Variants in IREB2 observed in about 807,000 individuals in gnomAD.
IREB2 encodes the protein iron responsive element binding protein 2.
In IREB2, 39 loss-of-function variants were observed where a neutral mutation model predicts 118.8. The ratio of observed to expected loss-of-function variants is 0.33; its 90% CI spans 0.25 to 0.43. IREB2 has a LOEUF of 0.43. Ranked by LOEUF, IREB2 falls within the 20% of genes least tolerant of loss-of-function variation. The pLI, the probability that IREB2 is intolerant of heterozygous loss-of-function variation, is 1.00. For synonymous variants in IREB2, 372 were observed against 392.2 expected, an observed-to-expected ratio of 0.95 and a Z score of 0.61; for missense variants, 900 against 1,147.3, an observed-to-expected ratio of 0.78 and a Z score of 3.11.
At chr15:78,474,884 T>C (rs1475442413) in intron 8 of IREB2, 1 of 150,936 alleles carries the variant, frequency 6.6e-6, no homozygotes. Flanking sequence ...TGAAACCCCG[T>C]CTCTACTAAA....
At chr15:78,460,310 A>G (rs188322950) in intron 2 of IREB2, among the ~76,000 whole-genome samples, 1 of 152,354 alleles carries the variant, frequency 6.6e-6, no homozygotes, top group East Asian at 1.9e-4. Flanking sequence ...GTTACCTGAA[A>G]GGAGGAAAGA....
Position 78,476,179 on chromosome 15 carries a change from C to A in IREB2, c.1024-9C>A. 6.4e-7 allele frequency: 1 copy of A among 1,566,160 alleles called. No individual in the cohort carries two copies. Among genetic ancestry groups the A allele is most frequent in the South Asian group, 1.2e-5 (1 of 85,412 alleles). ...ATTTTGTATGTGTTTCTGTGTATTCCTTATATAGCACCTCAGGCAAGTAGG... is the reference window on the plus strand; with the variant it reads ...ATTTTGTATGTGTTTCTGTGTATTCATTATATAGCACCTCAGGCAAGTAGG... On this transcript the variant is annotated splice_polypyrimidine_tract_variant and intron_variant, in intron 8 of 21. Coordinates refer to ENST00000258886, the MANE Select transcript of IREB2 (RefSeq NM_004136.4).
intron 8 of IREB2, 40 bp downstream of exon 8, chr15:78,473,421 T>G (rs1308873862): frequency 1.3e-6 from 2 of 1,564,756 alleles, no homozygotes; most frequent in African/African-American, 2.7e-5. Flanking sequence ...TTACTGAACA[T>G]TATTTTTATA....
intron 11 of IREB2, 151 bp downstream of exon 11, chr15:78,483,585 T>G (rs1044069225): frequency 1.8e-5 from 10 of 563,370 alleles, no homozygotes; most frequent in Non-Finnish European, 3.2e-5. Flanking sequence ...CTGTCTAATG[T>G]GCAAGTCAGT....
chr15:78,467,777 A>G (rs1211903449), intron 5 of IREB2, among the ~76,000 whole-genome samples: 1 of 152,178 alleles, frequency 6.6e-6, no homozygotes, highest in Admixed American at 6.5e-5. Flanking sequence ...TTTAGAGACA[A>G]GGTCTCACTA....
chr15:78,480,575 G>A (rs2051550316), intron 10 of IREB2, among the ~76,000 whole-genome samples: 1 of 150,708 alleles, frequency 6.6e-6, no homozygotes, highest in Non-Finnish European at 1.5e-5. Context: ...TGTAATCCCA[G>A]CTACTCAGGA....
chr15:78,460,809 G>A (rs1180175831), intron 2 of IREB2, among the ~76,000 whole-genome samples: 1 of 151,932 alleles, frequency 6.6e-6, no homozygotes, highest in African/African-American at 2.4e-5. Context: ...ACTTAACTTG[G>A]CTACTGTGAT....
At chr15:78,469,408 A>G (rs1408217759) in intron 5 of IREB2, among the ~76,000 whole-genome samples, 1 of 152,090 alleles carries the variant, frequency 6.6e-6, no homozygotes, top group Non-Finnish European at 1.5e-5. Flanking sequence ...GAATTATTAA[A>G]GTAATCTTTG....
Position 78,490,622 on chromosome 15 carries a change from A to G in IREB2, c.2185A>G (p.Lys729Glu). The change falls in exon 18 of 22, where the codon AAA (lysine) becomes GAA (glutamate). Residue 729 changes from lysine (K) to glutamate (E), a missense_variant. By Grantham distance (56) the Lys-to-Glu change is moderately conservative (BLOSUM62 1). Transcript: ENST00000258886. ...RCPSFFDKLT[K>E]EPIALQAIEN... Reference sequence around the variant, plus strand: ...GCCTTGAACTTTTACCTTCTAGACCAAAGAGCCAATTGCACTCCAGGCTAT... The same window carrying G: ...GCCTTGAACTTTTACCTTCTAGACCGAAGAGCCAATTGCACTCCAGGCTAT... The G allele has an allele frequency of 6.8e-6, 11 of 1,614,082 alleles. No individual in the cohort carries two copies. The highest frequency in any genetic ancestry group is 1.7e-5 in the Admixed American group (1 of 59,994).
intron 2 of IREB2, among the ~76,000 whole-genome samples, chr15:78,456,080 AAG>A (rs1475017422): frequency 6.6e-6 from 1 of 152,150 alleles, no homozygotes; most frequent in Non-Finnish European, 1.5e-5. Context: ...CTAGCTTTGG[AAG>A]GCTCACACTG....
In IREB2 at chr15:78,488,260, T is replaced by C. The variant is rs1209629260; in HGVS notation, c.1875T>C (p.Tyr625=). The C allele has an allele frequency of 6.2e-7, 1 of 1,612,400 alleles. No homozygotes were observed. The change falls in exon 15 of 22, where the codon TAT becomes TAC. Residue 625 remains tyrosine, a synonymous_variant. Coordinates refer to ENST00000258886, the MANE Select transcript of IREB2 (RefSeq NM_004136.4). ...GRLCDCVRAN[Y]LASPPLVVAY... is the part of the protein sequence containing the mutation. The stretch of plus-strand genomic sequence containing the variant: ...TTTGTGATTGTGTTCGTGCCAATTA[T>C]CTTGCCTCTCCACCCTTAGTGGTAG...
chr15:78,492,544 A>C (rs1368670798), intron 18 of IREB2, among the ~76,000 whole-genome samples: 1 of 151,848 alleles, frequency 6.6e-6, no homozygotes, highest in African/African-American at 2.4e-5. Context: ...CAAATCATTG[A>C]TGAAGGAAAG....
chr15:78,491,542 G>T (rs888211035), intron 18 of IREB2, among the ~76,000 whole-genome samples: 4 of 152,166 alleles, frequency 2.6e-5, no homozygotes, highest in Non-Finnish European at 5.9e-5. Flanking sequence ...CTGTCACCCA[G>T]GCTGGAGTGC....
intron 8 of IREB2, chr15:78,475,361 C>T (rs2051451362): frequency 6.6e-6 from 1 of 152,122 alleles, no homozygotes; most frequent in African/African-American, 2.4e-5. Flanking sequence ...TTTGAAACCA[C>T]ATGTTAACAA....
intron 8 of IREB2, chr15:78,475,337 T>C (rs2051450863): frequency 6.6e-6 from 1 of 152,152 alleles, no homozygotes. Flanking sequence ...AAAATAATTT[T>C]AGAAGGAATT....
chr15:78,464,462 C>T (rs200352126), intron 3 of IREB2, among the ~76,000 whole-genome samples: 3 of 152,174 alleles, frequency 2.0e-5, no homozygotes, highest in African/African-American at 4.8e-5. Flanking sequence ...ATGGTACTTA[C>T]GATACATAGC....
At chr15:78,491,906 C>T (rs1380145980) in intron 18 of IREB2, among the ~76,000 whole-genome samples, 2 of 152,028 alleles carry the variant, frequency 1.3e-5, no homozygotes, top group East Asian at 1.9e-4. Flanking sequence ...TTGTGATTTC[C>T]ATCTTCATCA....
chr15:78,457,462 C>A (rs892905620), intron 2 of IREB2, among the ~76,000 whole-genome samples: 3 of 151,976 alleles, frequency 2.0e-5, no homozygotes, highest in African/African-American at 7.3e-5. Flanking sequence ...ATTTTTGAGA[C>A]CTTGCTTGAT....
At chr15:78,473,603 A>C (rs2081185329) in intron 8 of IREB2, 2 of 490,488 alleles carry the variant, frequency 4.1e-6, no homozygotes, top group Admixed American at 3.7e-5. Context: ...TAGCTCATTT[A>C]GTCCTTATAA....
Sources: allele counts gnomAD v4.1 joint callset (sites outside exome capture counted in the v4.1 genomes callset), GRCh38; gene constraint gnomAD v4.1.1; transcripts MANE v1.5; gene names NCBI Gene and HGNC (gene_info 2026-07-23, HGNC 2026-07-21).